The following FBXL7 variants were observed in gnomAD, a reference collection of about 807,000 sequenced individuals.
FBXL7 encodes the protein F-box and leucine rich repeat protein 7, also known as F-box/LRR-repeat protein 7.
FBXL7 carries 12 observed loss-of-function variants against 38.3 expected under a neutral mutation model. That is an observed-to-expected ratio of 0.31 (90% confidence interval 0.20 to 0.51). The LOEUF is 0.51. FBXL7 is among the 20% of genes least tolerant of loss of function. The probability of loss-of-function intolerance (pLI) is 0.98; values close to 1 mark genes in which losing one functional copy is unlikely to be tolerated. For synonymous variants in FBXL7, 297 were observed against 300.9 expected (o/e 0.99, Z 0.13); for missense variants, 567 against 676.4 (o/e 0.84, Z 1.79).
intron 1 of FBXL7, among the ~76,000 whole-genome samples, chr5:15,567,385 G>T (rs1341943013): frequency 6.6e-6 from 1 of 151,942 alleles, no homozygotes; most frequent in Non-Finnish European, 1.5e-5. Flanking sequence ...TTTCTTCCAA[G>T]CTGTAAAGTA....
intron 2 of FBXL7, among the ~76,000 whole-genome samples, chr5:15,924,718 G>A (rs1295720401): frequency 6.6e-6 from 1 of 151,354 alleles, no homozygotes; most frequent in Non-Finnish European, 1.5e-5. Flanking sequence ...CTGCCTCCTG[G>A]GTGCAAGCAA....
chr5:15,688,947 G>T (rs1044884019), intron 2 of FBXL7, among the ~76,000 whole-genome samples: 1 of 152,168 alleles, frequency 6.6e-6, no homozygotes, highest in Non-Finnish European at 1.5e-5. Flanking sequence ...AATCCATACT[G>T]GGTAATTGGT....
chr5:15,603,968 C>T (rs1739901921), intron 1 of FBXL7, among the ~76,000 whole-genome samples: 1 of 152,160 alleles, frequency 6.6e-6, no homozygotes, highest in South Asian at 2.1e-4. Context: ...GAAACCCTGT[C>T]TCTACTAAAA....
intron 2 of FBXL7, among the ~76,000 whole-genome samples, chr5:15,739,165 C>G (rs1416313590): frequency 6.6e-6 from 1 of 152,190 alleles, no homozygotes; most frequent in African/African-American, 2.4e-5. Flanking sequence ...TCAGCTTCCT[C>G]TGAGGGTTCT....
At chr5:15,730,341 C>T (rs372133308) in intron 2 of FBXL7, among the ~76,000 whole-genome samples, 9 of 151,972 alleles carry the variant, frequency 5.9e-5, no homozygotes, top group East Asian at 1.9e-4. Flanking sequence ...GTGCCGCCCA[C>T]GTATAATAAT....
chr5:15,881,847 A>G (rs1740465703), intron 2 of FBXL7, among the ~76,000 whole-genome samples: 1 of 152,222 alleles, frequency 6.6e-6, no homozygotes, highest in Non-Finnish European at 1.5e-5. Flanking sequence ...CTATAAAGAA[A>G]TACCTGAGAT....
chr5:15,936,289 C>A lies in FBXL7; in HGVS notation c.740-161C>A, dbSNP rs1360457006. 6.6e-6 allele frequency among the ~76,000 whole-genome samples: 1 copy of A among 152,204 alleles called. No individual in the cohort carries two copies. Among genetic ancestry groups the A allele is most frequent in the Admixed American group, 6.5e-5 (1 of 15,282 alleles). On this transcript the variant is annotated intron_variant, in intron 3 of 3. Transcript: ENST00000504595. The surrounding 1 kb of genome is among the most constrained non-coding windows in gnomAD (Gnocchi z 6.0). ...TAAATAATCAGATAAATATGGGGAA[C>A]CCATTCTTGCATTTCCTCTCTATAG...
intron 2 of FBXL7, among the ~76,000 whole-genome samples, chr5:15,801,146 A>C (rs1484383732): frequency 2.6e-5 from 4 of 152,214 alleles, no homozygotes; most frequent in Non-Finnish European, 4.4e-5. Context: ...CCTTTACAAA[A>C]GTCAACTGAT....
chr5:15,679,467 A>G (rs957358183), intron 2 of FBXL7, among the ~76,000 whole-genome samples: 4 of 151,814 alleles, frequency 2.6e-5, no homozygotes, highest in South Asian at 4.2e-4. Context: ...ACTAAGTTAC[A>G]TACCACACAC....
intron 2 of FBXL7, among the ~76,000 whole-genome samples, chr5:15,623,121 G>A (rs1292359246): frequency 6.6e-6 from 1 of 152,212 alleles, no homozygotes; most frequent in Non-Finnish European, 1.5e-5. Context: ...TTTGCTGCCT[G>A]ATTTCTAGCA....
At chr5:15,526,883 C>T (rs773089847) in intron 1 of FBXL7, among the ~76,000 whole-genome samples, 1 of 152,028 alleles carries the variant, frequency 6.6e-6, no homozygotes, top group Non-Finnish European at 1.5e-5. Context: ...TTTGGCCTTC[C>T]TAGAAAGTCC....
chr5:15,547,683 G>GT (rs1737954060), intron 1 of FBXL7, among the ~76,000 whole-genome samples: 1 of 152,132 alleles, frequency 6.6e-6, no homozygotes, highest in African/African-American at 2.4e-5. Flanking sequence ...ATACCCCAGG[G>GT]TCATTGGGCC....
Position 15,527,790 on chromosome 5 carries a change from CA to C in FBXL7, c.37+27079del, listed in dbSNP as rs780667552. On this transcript the variant is annotated intron_variant, in intron 1 of 3. Coordinates refer to ENST00000504595, the MANE Select transcript of FBXL7 (RefSeq NM_012304.5). ...CGCAGGGAACTGTAGGTCATCTGTA[CA>C]ACCTCTTATCCAAGAAGGAGTATCT... Among the ~76,000 whole-genome samples the C allele has an allele frequency of 2.0e-5, 3 of 152,174 alleles. No homozygotes were observed. The East Asian group carries it at 5.8e-4, about 29-fold the overall frequency.
chr5:15,625,315 A>G (rs1221801246), intron 2 of FBXL7, among the ~76,000 whole-genome samples: 1 of 152,172 alleles, frequency 6.6e-6, no homozygotes, highest in Non-Finnish European at 1.5e-5. Flanking sequence ...TATATGTAAT[A>G]AAAAATTACT....
chr5:15,814,559 C>T (rs1266403849), intron 2 of FBXL7, among the ~76,000 whole-genome samples: 1 of 151,696 alleles, frequency 6.6e-6, no homozygotes, highest in South Asian at 2.1e-4. Context: ...TATCCCAGAA[C>T]TTAAAGTATA....
rs149118690 is a variant in FBXL7, at chr5:15,735,220, G to A, written c.127+119148G>A. Among the ~76,000 whole-genome samples, 1,332 of 152,240 alleles carry A rather than the reference G, an allele frequency of 8.7e-3. 9 individuals carry two copies. The highest frequency in any genetic ancestry group is 0.012 in the Non-Finnish European group (802 of 68,016). On this transcript the variant is annotated intron_variant, in intron 2 of 3. Coordinates refer to ENST00000504595, the MANE Select transcript of FBXL7 (RefSeq NM_012304.5). ...AGTGCTGGGAGTATAGGCATGAGCCGCTGTGAAGTTTATTTTTTAAAATCA... is the reference window on the plus strand; with the variant it reads ...AGTGCTGGGAGTATAGGCATGAGCCACTGTGAAGTTTATTTTTTAAAATCA...
At chr5:15,597,699 C>T (rs921040290) in intron 1 of FBXL7, among the ~76,000 whole-genome samples, 12 of 152,040 alleles carry the variant, frequency 7.9e-5, no homozygotes, top group African/African-American at 2.4e-4. Flanking sequence ...AAAAGTAGTT[C>T]GAATGTTCCC....
intron 1 of FBXL7, among the ~76,000 whole-genome samples, chr5:15,572,494 A>T (rs189568454): frequency 6.1e-4 from 93 of 151,350 alleles, no homozygotes; most frequent in African/African-American, 2.1e-3. Flanking sequence ...GCAGCAACCC[A>T]CCTAACTCCT....
chr5:15,605,229 C>T (rs916035040), intron 1 of FBXL7, among the ~76,000 whole-genome samples: 2 of 152,130 alleles, frequency 1.3e-5, no homozygotes, highest in Non-Finnish European at 2.9e-5. Flanking sequence ...CAGCTGGAAA[C>T]AACAAGCAGT....
Sources: gnomAD v4.1 joint callset for allele counts (sites outside exome capture counted in the v4.1 genomes callset) on GRCh38, gnomAD v4.1.1 for gene constraint, Gnocchi (gnomAD v3.1) non-coding constraint, MANE v1.5 for transcripts, NCBI Gene and HGNC (gene_info 2026-07-23, HGNC 2026-07-21) for gene names.